Variants in ZNF577 observed in about 807,000 individuals in gnomAD.
ZNF577 encodes zinc finger protein 577.
In ZNF577, 14 loss-of-function variants were observed where a neutral mutation model predicts 13.9. The observed-to-expected ratio is 1.00, with a 90% confidence interval of 0.66 to 1.57. The LOEUF (loss-of-function observed/expected upper bound fraction) is 1.57, where lower values mean the gene tolerates loss of function less well. Among genes scored for constraint, ZNF577 ranks in the 40% most tolerant of loss-of-function variants. The pLI is 0.00. For synonymous variants in ZNF577, 203 were observed against 202.9 expected (o/e 1.00, Z 0.00); for missense variants, 555 against 579.2 (o/e 0.96, Z 0.43).
At chr19:51,880,449 G>T in intron 2 of ZNF577, 48 bp from the exon 3 acceptor site, 1 of 1,518,968 alleles carries the variant, frequency 6.6e-7, no homozygotes, top group Non-Finnish European at 9.1e-7. Flanking sequence ...AACCCACAGG[G>T]TCTTAACAGT....
At chr19:51,819,477 T>G (rs2084171641) in intron 9 of ZNF577, among the ~76,000 whole-genome samples, 1 of 148,036 alleles carries the variant, frequency 6.8e-6, no homozygotes, top group African/African-American at 2.4e-5. Flanking sequence ...TGTGTGTACA[T>G]CTTATCATCT....
intron 10 of ZNF577, among the ~76,000 whole-genome samples, chr19:51,805,549 G>A (rs531972031): frequency 5.3e-5 from 8 of 152,298 alleles, no homozygotes; most frequent in South Asian, 4.1e-4. Flanking sequence ...ACACAAATAC[G>A]AGTGTGATTA....
chr19:51,823,518 C>G (rs534866689), intron 9 of ZNF577, among the ~76,000 whole-genome samples: 1 of 152,236 alleles, frequency 6.6e-6, no homozygotes, highest in South Asian at 2.1e-4. Context: ...TCTTGGTAAT[C>G]AGCTTGATAG....
At chr19:51,813,707 T>C (rs1263313197) in intron 9 of ZNF577, among the ~76,000 whole-genome samples, 1 of 152,106 alleles carries the variant, frequency 6.6e-6, no homozygotes, top group Middle Eastern at 3.2e-3. Flanking sequence ...ATTTTGCTTT[T>C]GTATTTTTAG....
chr19:51,819,809 G>A (rs994867613), intron 9 of ZNF577, among the ~76,000 whole-genome samples: 2 of 152,202 alleles, frequency 1.3e-5, no homozygotes, highest in African/African-American at 4.8e-5. Context: ...TATGGGCCAA[G>A]ATTGGTTTCT....
intron 5 of ZNF577, among the ~76,000 whole-genome samples, chr19:51,876,785 G>C (rs147799292): frequency 4.6e-5 from 7 of 151,864 alleles, no homozygotes; most frequent in Non-Finnish European, 1.5e-5. Flanking sequence ...AAAATTAGCC[G>C]GGCCTGGTGG....
intron 10 of ZNF577, among the ~76,000 whole-genome samples, chr19:51,808,914 T>C (rs1019959126): frequency 3.9e-5 from 6 of 152,330 alleles, no homozygotes; most frequent in Admixed American, 1.3e-4. Flanking sequence ...ATAGGGGCCA[T>C]TGATCCACCC....
At chr19:51,877,508 C>T in intron 4 of ZNF577, 131 bp from the exon 5 acceptor site, 1 of 699,156 alleles carries the variant, frequency 1.4e-6, no homozygotes, top group East Asian at 2.7e-5. Flanking sequence ...AGGAAAAGAG[C>T]ACAACCACTT....
intron 9 of ZNF577, chr19:51,823,996 T>C (rs1297678431): frequency 1.9e-5 from 30 of 1,614,114 alleles, no homozygotes; most frequent in Non-Finnish European, 2.5e-5. Context: ...TTCCGAATGG[T>C]CTCAGTCGCC....
At chr19:51,861,830 T>C (rs2122606899) in intron 5 of ZNF577, 1 of 152,714 alleles carries the variant, frequency 6.5e-6, no homozygotes, top group East Asian at 1.9e-4. Flanking sequence ...ATGAATTCTC[T>C]AATGTACAGT....
At chr19:51,880,530 C>T (rs147711365) in intron 2 of ZNF577, 129 bp from the exon 3 acceptor site, 9,108 of 779,164 alleles carry the variant, frequency 0.012, 104 homozygotes, top group Middle Eastern at 0.033. Context: ...TCTTAATTTG[C>T]CAGGATTTTA....
At chr19:51,847,142 C>T (rs149062758) in intron 5 of ZNF577, among the ~76,000 whole-genome samples, 24 of 152,322 alleles carry the variant, frequency 1.6e-4, no homozygotes, top group African/African-American at 5.8e-4. Flanking sequence ...TACGCACACA[C>T]ATGCACACAC....
chr19:51,838,192 TAAA>T lies in ZNF577; in HGVS notation c.*599+1698_*599+1700del, dbSNP rs578075573. ...ATATTATAATACTATTTATAAAACT[TAAA>T]AATCTAAATATTGAGTTCTTTAGGT... On this transcript the variant is annotated intron_variant and NMD_transcript_variant, in intron 9 of 10. Transcript: ENST00000638827. 1.7e-3 allele frequency among the ~76,000 whole-genome samples: 253 copies of T among 152,334 alleles called. 3 individuals are homozygous for T. Among genetic ancestry groups the T allele is most frequent in the African/African-American group, 5.7e-3 (238 of 41,582 alleles).
rs1251169558 is a variant in ZNF577 at position 51,824,701 on chromosome 19, C to T, written c.*600-13027G>A. The T allele has an allele frequency of 1.2e-6, 2 of 1,614,066 alleles. No individual in the cohort carries two copies. The highest frequency in any genetic ancestry group is 2.2e-5 in the South Asian group (2 of 91,078). Reference sequence around the variant, plus strand: ...CAAGAAAGACTGATTCGCTCTTTGCCCACTAGTTTGGAGAGGGCCCTGACT... The same window carrying T: ...CAAGAAAGACTGATTCGCTCTTTGCTCACTAGTTTGGAGAGGGCCCTGACT... On this transcript the variant is annotated intron_variant and NMD_transcript_variant, in intron 9 of 10. Coordinates refer to the ZNF577 transcript ENST00000638827. The surrounding 1 kb of genome is among the most constrained non-coding windows in gnomAD (Gnocchi z 4.7).
At chr19:51,833,247 C>G (rs2084269517) in intron 9 of ZNF577, among the ~76,000 whole-genome samples, 1 of 152,168 alleles carries the variant, frequency 6.6e-6, no homozygotes, top group African/African-American at 2.4e-5. Flanking sequence ...TGGGAACTCT[C>G]TCAAGTCAGT....
At chr19:51,820,162 C>T (rs529946675) in intron 9 of ZNF577, among the ~76,000 whole-genome samples, 2 of 152,104 alleles carry the variant, frequency 1.3e-5, no homozygotes. Context: ...AGCAGAAGGG[C>T]TGAATGTTAT....
At chr19:51,837,383 CTGAT>C (rs1261609978) in intron 9 of ZNF577, among the ~76,000 whole-genome samples, 1 of 152,122 alleles carries the variant, frequency 6.6e-6, no homozygotes, top group South Asian at 2.1e-4. Context: ...CAGGTGAGCT[CTGAT>C]TGGTTGGTTT....
chr19:51,809,575 G>A (rs2084083594), intron 10 of ZNF577, among the ~76,000 whole-genome samples: 2 of 152,158 alleles, frequency 1.3e-5, no homozygotes. Context: ...TATTGTCCCA[G>A]CTCAAAACCC....
chr19:51,857,235 G>A (rs896945885), intron 5 of ZNF577, among the ~76,000 whole-genome samples: 1 of 151,816 alleles, frequency 6.6e-6, no homozygotes, highest in Non-Finnish European at 1.5e-5. Context: ...GGAGGCGGAG[G>A]CTGCAGTGAA....
Sources: gnomAD v4.1 joint callset for allele counts (sites outside exome capture counted in the v4.1 genomes callset) on GRCh38, gnomAD v4.1.1 for gene constraint, Gnocchi (gnomAD v3.1) non-coding constraint, MANE v1.5 for transcripts, NCBI Gene and HGNC (gene_info 2026-07-23, HGNC 2026-07-21) for gene names.